Variants in NDUFB9 observed in about 807,000 individuals in gnomAD.
NDUFB9 encodes the protein NADH dehydrogenase [ubiquinone] 1 beta subcomplex subunit 9.
NDUFB9 carries 24 observed loss-of-function variants against 30.2 expected under a neutral mutation model. The observed-to-expected ratio is 0.80, with a 90% CI of 0.58 to 1.12. The LOEUF is 1.12. NDUFB9 is among the 50% of genes most tolerant of loss of function. The probability of loss-of-function intolerance (pLI) is 0.00; values close to 1 mark genes in which losing one functional copy is unlikely to be tolerated. For missense variants in NDUFB9, 204 were observed against 226.0 expected, an observed-to-expected ratio of 0.90 and a Z score of 0.62; for synonymous variants, 80 against 84.0, an observed-to-expected ratio of 0.95 and a Z score of 0.26.
At chr8:124,546,932 G>T in intron 2 of NDUFB9, 68 bp from the exon 3 acceptor site, 1 of 1,048,526 alleles carries the variant, frequency 9.5e-7, no homozygotes, top group South Asian at 1.3e-5. Flanking sequence ...TACATCTCCT[G>T]AGCAGGCCCT....
Position 124,539,123 on chromosome 8 carries a change from A to T in NDUFB9, c.-64A>T, listed in dbSNP as rs34681068. The stretch of plus-strand genomic sequence containing the variant: ...TCCGCCCTTCCGGCTGGCCCCGCTC[A>T]GTCACCCGCAGCAGGCGTGCAGTTT... On this transcript the variant is annotated 5_prime_UTR_variant, in exon 1 of 4. Transcript: ENST00000276689. The T allele has an allele frequency of 1.9e-6, 3 of 1,612,604 alleles. No homozygotes were observed. Among genetic ancestry groups the T allele is most frequent in the East Asian group, 4.5e-5 (2 of 44,868 alleles).
Position 124,540,688 on chromosome 8 carries a change from T to G in NDUFB9, c.101+1401T>G, listed in dbSNP as rs6470247. Among the ~76,000 whole-genome samples, 1,052 of 152,314 alleles carry G rather than the reference T, an allele frequency of 6.9e-3. 10 individuals carry two copies. The highest frequency in any genetic ancestry group is 0.024 in the African/African-American group (995 of 41,554). ...CTACTATGACAGTTATGGCTCAGCA[T>G]TTTTTAGATCTGACATTCTTTCTCA... On this transcript the variant is annotated intron_variant, in intron 1 of 3. Transcript: ENST00000276689.
At position 124,543,258 on chromosome 8, in the gene NDUFB9, TGA is replaced by T; in HGVS notation, c.278_279del (p.Arg93IlefsTer13). The T allele has an allele frequency of 6.2e-7, 1 of 1,614,006 alleles. No homozygotes were observed. The highest frequency in any genetic ancestry group is 8.5e-7 in the Non-Finnish European group (1 of 1,179,860). ...FPDSPGGTSY[E>X]RYDCYKVPEW... ...CTGACTCTCCTGGGGGCACCTCCTATGAGAGATACGATTGCTACAAGGTAGGT... is the reference window on the plus strand; with the variant it reads ...CTGACTCTCCTGGGGGCACCTCCTATGAGATACGATTGCTACAAGGTAGGT... On this transcript the variant is annotated frameshift_variant, in exon 2 of 4. Transcript: ENST00000276689. LOFTEE classifies it high-confidence loss of function.
Position 124,547,090 on chromosome 8 carries a change from C to T in NDUFB9, c.385C>T (p.Arg129Trp). 6.8e-6 allele frequency: 11 copies of T among 1,613,494 alleles called. No homozygotes were observed. Among genetic ancestry groups the T allele is most frequent in the South Asian group, 1.1e-5 (1 of 91,054 alleles). ...CAAGAGAGAACAGTGGAAGAAACTGCGGAGGGAAAGCTGGGAACGAGAGGT... is the reference window on the plus strand; with the variant it reads ...CAAGAGAGAACAGTGGAAGAAACTGTGGAGGGAAAGCTGGGAACGAGAGGT... ...FAKREQWKKL[R>W]RESWEREVKQ... The change falls in exon 3 of 4, where the codon CGG becomes TGG. Residue 129 changes from arginine to tryptophan, a missense_variant. Physicochemically the swap from Arg to Trp is moderately radical, Grantham distance 101 (BLOSUM62 -3). Transcript: ENST00000276689.
chr8:124,549,408 G>T (rs1194796471), intron 3 of NDUFB9, among the ~76,000 whole-genome samples: 2 of 152,088 alleles, frequency 1.3e-5, no homozygotes, highest in Non-Finnish European at 2.9e-5. Flanking sequence ...TGTTTTTCTG[G>T]TCAGTGGGTG....
intron 1 of NDUFB9, 125 bp downstream of exon 1, chr8:124,539,412 A>T (rs1821823823): frequency 1.2e-6 from 1 of 842,636 alleles, no homozygotes; most frequent in Non-Finnish European, 2.0e-6. Flanking sequence ...CTCTCGCTTC[A>T]CAGAATCCTA....
At chr8:124,546,261 A>G (rs916549474) in intron 2 of NDUFB9, among the ~76,000 whole-genome samples, 6 of 152,068 alleles carry the variant, frequency 3.9e-5, no homozygotes, top group African/African-American at 1.5e-4. Context: ...ATCCTCTCAA[A>G]CCCTGCCACT....
At chr8:124,540,100 A>G (rs1048430897) in intron 1 of NDUFB9, among the ~76,000 whole-genome samples, 7 of 152,112 alleles carry the variant, frequency 4.6e-5, no homozygotes, top group Admixed American at 6.5e-5. Flanking sequence ...TGGGAAAAAA[A>G]CTCTATGGAA....
At chr8:124,543,471 A>G (rs571305961) in intron 2 of NDUFB9, among the ~76,000 whole-genome samples, 192 bp downstream of exon 2, 2 of 152,306 alleles carry the variant, frequency 1.3e-5, no homozygotes, top group South Asian at 4.1e-4. Context: ...GTATTTTCAC[A>G]GATTGAAAGT....
rs780144498 is a variant in NDUFB9, at chr8:124,549,882, G to A, written c.530G>A (p.Arg177Gln). 146 of 1,614,006 alleles carry A rather than the reference G, an allele frequency of 9.0e-5. 1 individual carries two copies. In the South Asian group the frequency reaches 1.3e-3, roughly 15 times the overall value. ...WWYIVTRPRE[R>Q]PM ...TATATTGTGACCAGACCCCGGGAGC[G>A]GCCCATGTAGAAAGAGAGAGACCTC... The change falls in exon 4 of 4, where the codon CGG (arginine) becomes CAG (glutamine). Residue 177 changes from arginine to glutamine, a missense_variant. By Grantham distance (43) the Arg-to-Gln change is conservative (BLOSUM62 1). Transcript: ENST00000276689.
chr8:124,543,996 C>A (rs1822097075), intron 2 of NDUFB9, among the ~76,000 whole-genome samples: 1 of 152,136 alleles, frequency 6.6e-6, no homozygotes, highest in Non-Finnish European at 1.5e-5. Flanking sequence ...GCCTTTTCCG[C>A]TGGTTAGCCA....
chr8:124,548,734 A>T (rs929114138), intron 3 of NDUFB9, among the ~76,000 whole-genome samples: 4 of 151,572 alleles, frequency 2.6e-5, no homozygotes, highest in African/African-American at 7.3e-5. Context: ...AGCTGAATTT[A>T]AAAAAAAACA....
At chr8:124,547,490 A>G (rs1186316356) in intron 3 of NDUFB9, 3 of 545,146 alleles carry the variant, frequency 5.5e-6, no homozygotes, top group Non-Finnish European at 9.8e-6. Context: ...TAGTGTGAAG[A>G]ATATATTGGA....
intron 1 of NDUFB9, among the ~76,000 whole-genome samples, chr8:124,540,056 G>A (rs1586708670): frequency 2.6e-5 from 4 of 152,250 alleles, no homozygotes; most frequent in East Asian, 3.9e-4. Flanking sequence ...CCAGTCTTAC[G>A]ACTCTCCAAA....
At chr8:124,541,668 A>T (rs530988328) in intron 1 of NDUFB9, among the ~76,000 whole-genome samples, 2 of 152,286 alleles carry the variant, frequency 1.3e-5, no homozygotes, top group South Asian at 4.1e-4. Flanking sequence ...CAGTGGCGCG[A>T]TCTTGGCTCA....
intron 2 of NDUFB9, among the ~76,000 whole-genome samples, chr8:124,543,677 A>G (rs193277490): frequency 9.5e-4 from 144 of 152,306 alleles, no homozygotes; most frequent in South Asian, 2.7e-3. Flanking sequence ...GTTTTGGGGC[A>G]CAAAAAAACC....
In NDUFB9 at chr8:124,539,143, C is replaced by G; in HGVS notation, c.-44C>G. ...CGCTCAGTCACCCGCAGCAGGCGTG[C>G]AGTTTCCCGGCTCTCCGCGCGGCCG... On this transcript the variant is annotated 5_prime_UTR_variant, in exon 1 of 4. Coordinates refer to ENST00000276689, the MANE Select transcript of NDUFB9 (RefSeq NM_005005.3). 1.2e-6 allele frequency: 2 copies of G among 1,613,192 alleles called. No individual in the cohort carries two copies. The highest frequency in any genetic ancestry group is 1.7e-6 in the Non-Finnish European group (2 of 1,179,126).
At chr8:124,539,550 A>G in intron 1 of NDUFB9, 1 of 490,386 alleles carries the variant, frequency 2.0e-6, no homozygotes, top group Non-Finnish European at 3.7e-6. Flanking sequence ...AGAGGGTCGC[A>G]GGAAAATTAA....
intron 1 of NDUFB9, 82 bp downstream of exon 1, chr8:124,539,369 T>G: frequency 8.0e-7 from 1 of 1,255,200 alleles, no homozygotes; most frequent in Non-Finnish European, 1.2e-6. Context: ...ACCTGGAGGT[T>G]CAAGGACTTC....
Sources: allele counts gnomAD v4.1 joint callset (sites outside exome capture counted in the v4.1 genomes callset), GRCh38; gene constraint gnomAD v4.1.1; transcripts MANE v1.5; gene names NCBI Gene and HGNC (gene_info 2026-07-23, HGNC 2026-07-21).